The following DPP10 variants were observed in gnomAD, a reference collection of about 807,000 sequenced individuals.
DPP10 encodes inactive dipeptidyl peptidase 10.
A neutral mutation model predicts 120.9 loss-of-function variants in DPP10; 33 were observed. That is an observed-to-expected ratio of 0.27 (90% CI 0.21 to 0.37). DPP10 has a LOEUF of 0.37. Among genes scored for constraint, DPP10 ranks in the 10% least tolerant of loss-of-function variants. The pLI is 1.00. For missense variants in DPP10, 816 were observed against 942.8 expected, an observed-to-expected ratio of 0.87 and a Z score of 1.76; for synonymous variants, 337 against 326.1, an observed-to-expected ratio of 1.03 and a Z score of -0.36.
intron 1 of DPP10, among the ~76,000 whole-genome samples, chr2:115,262,325 T>G (rs1300261485): frequency 6.6e-6 from 1 of 152,030 alleles, no homozygotes; most frequent in African/African-American, 2.4e-5. Flanking sequence ...CTATATTCAA[T>G]AAATGTCACA....
At chr2:115,187,172 G>A (rs1333843534) in intron 1 of DPP10, among the ~76,000 whole-genome samples, 1 of 150,028 alleles carries the variant, frequency 6.7e-6, no homozygotes, top group Non-Finnish European at 1.5e-5. Flanking sequence ...GAGTAGCTGC[G>A]ACTACAGGCG....
intron 8 of DPP10, among the ~76,000 whole-genome samples, chr2:115,736,616 G>C (rs1676534887): frequency 6.6e-6 from 1 of 152,048 alleles, no homozygotes; most frequent in African/African-American, 2.4e-5. Context: ...ATGCTACACT[G>C]TCTTGATGGA....
intron 1 of DPP10, among the ~76,000 whole-genome samples, chr2:115,199,086 T>C (rs576103176): frequency 6.6e-6 from 1 of 152,254 alleles, no homozygotes; most frequent in East Asian, 1.9e-4. Context: ...CTAACATTTA[T>C]TGAAGACCTA....
At chr2:115,107,299 C>T (rs1016914432) in intron 1 of DPP10, among the ~76,000 whole-genome samples, 3 of 151,346 alleles carry the variant, frequency 2.0e-5, no homozygotes, top group Admixed American at 6.6e-5. Context: ...AACTGAATTT[C>T]CTTAAAATAC....
At chr2:114,632,505 T>TG (rs1695000995) in intron 1 of DPP10, among the ~76,000 whole-genome samples, 1 of 125,394 alleles carries the variant, frequency 8.0e-6, no homozygotes, top group Non-Finnish European at 1.7e-5. Flanking sequence ...GACTTAGGGT[T>TG]TTTTTTTTTT....
chr2:115,012,036 T>C (rs1044797199), intron 1 of DPP10, among the ~76,000 whole-genome samples: 2 of 152,020 alleles, frequency 1.3e-5, no homozygotes, highest in Admixed American at 6.6e-5. Context: ...CCTGGCAACC[T>C]GGATGAGTAA....
chr2:115,421,012 G>A (rs867882251), intron 3 of DPP10, among the ~76,000 whole-genome samples: 2 of 151,908 alleles, frequency 1.3e-5, no homozygotes, highest in African/African-American at 4.8e-5. Flanking sequence ...GAAATTGGAA[G>A]CAATGCAAAC....
intron 3 of DPP10, among the ~76,000 whole-genome samples, chr2:115,467,265 A>G (rs2074385476): frequency 6.6e-6 from 1 of 152,158 alleles, no homozygotes; most frequent in Admixed American, 6.5e-5. Context: ...ATCCACAAAT[A>G]AAACAAGAGA....
chr2:115,815,011 C>T, intron 20 of DPP10, 24 bp downstream of exon 20: 3 of 1,563,280 alleles, frequency 1.9e-6, no homozygotes, highest in Non-Finnish European at 2.6e-6. Flanking sequence ...CATTTTTCTT[C>T]TCTGTTTTCT....
intron 5 of DPP10, among the ~76,000 whole-genome samples, chr2:115,528,563 A>C (rs2078271920): frequency 6.6e-6 from 1 of 152,068 alleles, no homozygotes; most frequent in South Asian, 2.1e-4. Context: ...CCTGTATGCA[A>C]ATATTTGCAG....
At chr2:114,918,006 C>T (rs1694929290) in intron 1 of DPP10, among the ~76,000 whole-genome samples, 1 of 152,190 alleles carries the variant, frequency 6.6e-6, no homozygotes. Context: ...AAACTATCAA[C>T]AGCATAAACA....
intron 1 of DPP10, among the ~76,000 whole-genome samples, chr2:114,664,890 G>C (rs1045255163): frequency 6.6e-6 from 1 of 151,270 alleles, no homozygotes; most frequent in Admixed American, 6.6e-5. Flanking sequence ...GCATCCAAAA[G>C]ATGGCAGAGA....
chr2:115,644,412 G>A (rs1558970641), intron 5 of DPP10, among the ~76,000 whole-genome samples: 1 of 152,170 alleles, frequency 6.6e-6, no homozygotes, highest in Admixed American at 6.5e-5. Flanking sequence ...AACATGCGGT[G>A]TTTGGTTTTT....
intron 1 of DPP10, among the ~76,000 whole-genome samples, chr2:114,581,267 T>C (rs1426909964): frequency 1.5e-5 from 2 of 134,966 alleles, no homozygotes; most frequent in African/African-American, 5.6e-5. Context: ...CACTGCAAGC[T>C]CCACCTCCTG....
intron 5 of DPP10, among the ~76,000 whole-genome samples, chr2:115,538,380 A>G (rs941477949): frequency 6.6e-6 from 1 of 151,970 alleles, no homozygotes; most frequent in Non-Finnish European, 1.5e-5. Flanking sequence ...ATTATTATGT[A>G]TTATTAATAT....
chr2:114,587,491 T>C (rs892796575), intron 1 of DPP10, among the ~76,000 whole-genome samples: 1 of 151,966 alleles, frequency 6.6e-6, no homozygotes, highest in Non-Finnish European at 1.5e-5. Context: ...GTCCATTTGT[T>C]CATTCAGTTA....
intron 1 of DPP10, among the ~76,000 whole-genome samples, chr2:114,601,761 A>C (rs1692385587): frequency 6.6e-6 from 1 of 151,914 alleles, no homozygotes; most frequent in African/African-American, 2.4e-5. Flanking sequence ...TATTTGGAAA[A>C]TTGATGAGGG....
intron 1 of DPP10, among the ~76,000 whole-genome samples, chr2:114,632,504 T>G (rs1466518970): frequency 2.6e-5 from 2 of 76,580 alleles, no homozygotes; most frequent in Non-Finnish European, 5.2e-5. Flanking sequence ...GGACTTAGGG[T>G]TTTTTTTTTT....
intron 1 of DPP10, among the ~76,000 whole-genome samples, chr2:114,831,229 A>C (rs1281069518): frequency 6.6e-6 from 1 of 152,150 alleles, no homozygotes; most frequent in Non-Finnish European, 1.5e-5. Flanking sequence ...AAAATCTTTC[A>C]ATAGAACATA....
Sources: allele counts gnomAD v4.1 joint callset (sites outside exome capture counted in the v4.1 genomes callset), GRCh38; gene constraint gnomAD v4.1.1; transcripts MANE v1.5; gene names NCBI Gene and HGNC (gene_info 2026-07-23, HGNC 2026-07-21).